ASAH1: variants seen among roughly 807,000 people sequenced by gnomAD.
ASAH1 encodes N-acylsphingosine amidohydrolase 1, also known as acid ceramidase.
A neutral mutation model predicts 59.5 loss-of-function variants in ASAH1; 70 were observed. The ratio of observed to expected loss-of-function variants is 1.18; its 90% CI spans 0.97 to 1.43. The LOEUF (loss-of-function observed/expected upper bound fraction) is 1.43, where lower values mean the gene tolerates loss of function less well. Among genes scored for constraint, ASAH1 ranks in the 40% most tolerant of loss-of-function variants. ASAH1 has a pLI of 0.00. For synonymous variants in ASAH1, 213 were observed against 166.5 expected, an observed-to-expected ratio of 1.28 and a Z score of -2.15; for missense variants, 660 against 482.5, an observed-to-expected ratio of 1.37 and a Z score of -3.45.
At chr8:18,074,243 T>G (rs1055713611) in intron 2 of ASAH1, among the ~76,000 whole-genome samples, 2 of 152,154 alleles carry the variant, frequency 1.3e-5, no homozygotes, top group Non-Finnish European at 1.5e-5. Flanking sequence ...ATGCCAGTGA[T>G]GACAGAAAGG....
Position 18,059,918 on chromosome 8 carries a change from T to C in ASAH1, c.786-215A>G, listed in dbSNP as rs992580386. 16 of 485,528 alleles carry C rather than the reference T, an allele frequency of 3.3e-5. 1 individual carries two copies. The highest frequency in any genetic ancestry group is 3.3e-4 in the South Asian group (15 of 45,804). The allele number at this position is 485,528 out of a possible 1,614,324, so 30.1% of individuals were successfully genotyped here. A position where few individuals can be genotyped will look rare whatever the true frequency, so the allele number is the denominator to read the frequency against. ...ATGCATTAGGTATTTGTCCTAATGC[T>C]CTCCCTCCCCTTTCACCCCACCCCC... On this transcript the variant is annotated intron_variant, in intron 10 of 13. Coordinates refer to ENST00000637790, the MANE Select transcript of ASAH1 (RefSeq NM_177924.5).
At chr8:18,083,178 C>T (rs938443604) in intron 1 of ASAH1, 6 of 152,226 alleles carry the variant, frequency 3.9e-5, no homozygotes, top group African/African-American at 1.4e-4. Flanking sequence ...CAGGTTCCTA[C>T]TTATCCGATT....
intron 2 of ASAH1, among the ~76,000 whole-genome samples, chr8:18,074,143 C>T (rs1188134780): frequency 6.6e-6 from 1 of 152,132 alleles, no homozygotes; most frequent in East Asian, 1.9e-4. Flanking sequence ...TGGAAGGCAC[C>T]TCATTAAATG....
In ASAH1 at chr8:18,059,667, C is replaced by A. The variant is rs1010033653; in HGVS notation, c.822G>T (p.Lys274Asn). 9 of 1,614,212 alleles carry A rather than the reference C, an allele frequency of 5.6e-6. No individual in the cohort carries two copies. Among genetic ancestry groups the A allele is most frequent in the Non-Finnish European group, 7.6e-6 (9 of 1,180,032 alleles). ...GGATAAAGTAGGCTGGGGCCAATAT[C>A]TTGGTCTTGGTCAATAAATTCTTGG... Reference protein sequence around the residue: ...EEAKNLLTKTKILAPAYFILG... With the variant: ...EEAKNLLTKTNILAPAYFILG... Residue 274 changes from lysine to asparagine, a missense_variant, in exon 11 of 14, where the codon AAG becomes AAT. Lys to Asn is a moderately conservative substitution (Grantham distance 94). Coordinates refer to ENST00000637790, the MANE Select transcript of ASAH1 (RefSeq NM_177924.5).
intron 1 of ASAH1, among the ~76,000 whole-genome samples, chr8:18,082,160 G>A (rs1800680550): frequency 6.6e-6 from 1 of 152,166 alleles, no homozygotes; most frequent in Non-Finnish European, 1.5e-5. Flanking sequence ...TTCCCAAAGT[G>A]ACACCAGTGG....
intron 2 of ASAH1, 37 bp downstream of exon 2, chr8:18,075,504 G>C (rs377740555): frequency 8.1e-6 from 13 of 1,609,632 alleles, no homozygotes; most frequent in Non-Finnish European, 1.0e-5. Flanking sequence ...ACTTCACAAA[G>C]GTCAAAGGGA....
At chr8:18,079,134 TG>T (rs5889767) in intron 1 of ASAH1, among the ~76,000 whole-genome samples, 72,391 of 151,546 alleles carry the variant, frequency 0.48, 17,745 homozygotes, top group Non-Finnish European at 0.53. Flanking sequence ...AAAAATTAGC[TG>T]GGTGGCATGT....
At chr8:18,078,310 C>T (rs1385367056) in intron 1 of ASAH1, among the ~76,000 whole-genome samples, 2 of 152,152 alleles carry the variant, frequency 1.3e-5, no homozygotes, top group African/African-American at 4.8e-5. Context: ...ATGTGACCTG[C>T]CCCAGAGGTA....
chr8:18,071,240 T>G, intron 3 of ASAH1, 60 bp downstream of exon 3: 1 of 824,826 alleles, frequency 1.2e-6, no homozygotes, highest in Non-Finnish European at 1.6e-6. Context: ...TAAATAAAAA[T>G]AAAGAAATAA....
chr8:18,078,175 C>T (rs1263322222), intron 1 of ASAH1, among the ~76,000 whole-genome samples: 1 of 152,210 alleles, frequency 6.6e-6, no homozygotes, highest in Non-Finnish European at 1.5e-5. Flanking sequence ...ACTCCTATCC[C>T]TTCCTAATAA....
At position 18,075,269 on chromosome 8, in the gene ASAH1, A is replaced by C. The variant is rs112928371; in HGVS notation, c.125+272T>G. ...CGGCCTCCCAAAGTGCTGGGATTAC[A>C]GGCGTGAGCCACCGCGTCTGGCTGA... On this transcript the variant is annotated intron_variant, in intron 2 of 13. Coordinates refer to ENST00000637790, the MANE Select transcript of ASAH1 (RefSeq NM_177924.5). 0.11 allele frequency among the ~76,000 whole-genome samples: 16,127 copies of C among 152,062 alleles called. 954 individuals carry two copies. Among genetic ancestry groups the C allele is most frequent in the African/African-American group, 0.14 (5,808 of 41,480 alleles).
intron 1 of ASAH1, among the ~76,000 whole-genome samples, chr8:18,078,631 A>G (rs987280945): frequency 3.9e-5 from 6 of 152,216 alleles, no homozygotes; most frequent in Non-Finnish European, 5.9e-5. Flanking sequence ...GAGTAGCCCT[A>G]AAACAGAATT....
At chr8:18,070,898 G>T (rs1390114022) in intron 3 of ASAH1, among the ~76,000 whole-genome samples, 1 of 152,036 alleles carries the variant, frequency 6.6e-6, no homozygotes, top group Non-Finnish European at 1.5e-5. Flanking sequence ...TCCTTGGGGG[G>T]AAAATAAATA....
chr8:18,071,645 A>G (rs774868793), intron 2 of ASAH1, among the ~76,000 whole-genome samples: 7 of 152,188 alleles, frequency 4.6e-5, no homozygotes, highest in Non-Finnish European at 5.9e-5. Context: ...TTTTCTATGA[A>G]AAAATCAACT....
At chr8:18,083,828 C>T in intron 1 of ASAH1, 153 bp downstream of exon 1, 1 of 1,463,932 alleles carries the variant, frequency 6.8e-7, no homozygotes, top group East Asian at 2.5e-5. Context: ...GCCCGCTCTG[C>T]ACCCACACCC....
intron 3 of ASAH1, 73 bp from the exon 4 acceptor site, chr8:18,069,951 A>G: frequency 9.5e-7 from 1 of 1,053,292 alleles, no homozygotes; most frequent in Admixed American, 1.9e-5. Flanking sequence ...GCTTACCCAT[A>G]TGTAGCTAAA....
rs147830297 is a variant in ASAH1 at position 18,059,415 on chromosome 8, G to T, written c.967C>A (p.Arg323Ser). ...TCAAGGAAGAAGGGATGTTTCCAAC[G>T]GTCATAATTTGTTTGTACCACATAC... is the stretch of plus-strand genomic sequence containing the variant. The part of the protein sequence containing the change: ...RWYVVQTNYD[R>S]WKHPFFLDDR... Residue 323 changes from arginine to serine, a missense_variant, in exon 12 of 14, where the codon CGT becomes AGT. Physicochemically the swap from Arg to Ser is moderately radical, Grantham distance 110. Transcript: ENST00000637790. 6.2e-7 allele frequency: 1 copy of T among 1,614,136 alleles called. No homozygotes were observed. Among genetic ancestry groups the T allele is most frequent in the South Asian group, 1.1e-5 (1 of 91,082 alleles).
Position 18,061,409 on chromosome 8 carries a change from G to C in ASAH1, c.753C>G (p.Phe251Leu). Residue 251 changes from phenylalanine (F) to leucine (L), a missense_variant, in exon 10 of 14, where the codon TTC becomes TTG. Coordinates refer to ENST00000637790, the MANE Select transcript of ASAH1 (RefSeq NM_177924.5). ...LGKKDVMWIG[F>L]LTRTVLENST... is the part of the protein sequence containing the mutation. ...TATTTTCCAGAACTGTTCTAGTGAGGAACCCTATCCACATGACATCTTTCT... is the reference window on the plus strand; with the variant it reads ...TATTTTCCAGAACTGTTCTAGTGAGCAACCCTATCCACATGACATCTTTCT... 2 of 1,612,998 alleles carry C rather than the reference G, an allele frequency of 1.2e-6. No homozygotes were observed. The highest frequency in any genetic ancestry group is 1.7e-6 in the Non-Finnish European group (2 of 1,178,918).
At chr8:18,064,430 G>GGGGGGGCT in intron 6 of ASAH1, 27 bp downstream of exon 6, 5 of 1,489,322 alleles carry the variant, frequency 3.4e-6, no homozygotes, top group Non-Finnish European at 4.7e-6. Flanking sequence ...GCTTCATGCT[G>GGGGGGGCT]CCCACCCTCC....
Sources: gnomAD v4.1 joint callset for allele counts (sites outside exome capture counted in the v4.1 genomes callset) on GRCh38, gnomAD v4.1.1 for gene constraint, MANE v1.5 for transcripts, NCBI Gene and HGNC (gene_info 2026-07-23, HGNC 2026-07-21) for gene names.